The following RANBP2 variants were observed in gnomAD, a reference collection of about 807,000 sequenced individuals.
RANBP2 encodes RAN binding protein 2.
Under a neutral mutation model 303.6 loss-of-function variants are expected in RANBP2, and 57 were observed. The ratio of observed to expected loss-of-function variants is 0.19; its 90% CI spans 0.15 to 0.23. RANBP2 has a LOEUF of 0.23. RANBP2 is among the 10% of genes least tolerant of loss of function. The probability of loss-of-function intolerance (pLI) is 1.00; values close to 1 mark genes in which losing one functional copy is unlikely to be tolerated. For synonymous variants in RANBP2, 1,167 were observed against 1,301.5 expected (o/e 0.90, Z 2.23); for missense variants, 3,138 against 3,780.8 (o/e 0.83, Z 4.46).
chr2:109,675,118 C>A, the RANBP2 span, among the ~76,000 whole-genome samples: 2 of 152,154 alleles, frequency 1.3e-5, no homozygotes, highest in Non-Finnish European at 2.9e-5. Flanking sequence ...CAGGCATGTG[C>A]CACCATGCCC....
the RANBP2 span, among the ~76,000 whole-genome samples, chr2:109,420,377 G>A: frequency 2.6e-5 from 4 of 152,166 alleles, no homozygotes; most frequent in African/African-American, 9.7e-5. Context: ...GTGGGTAGAC[G>A]TCAGAGGGAC....
the RANBP2 span, among the ~76,000 whole-genome samples, chr2:109,639,127 T>C: frequency 6.6e-6 from 1 of 152,234 alleles, no homozygotes; most frequent in Non-Finnish European, 1.5e-5. Context: ...ACCTACTCAT[T>C]TGCAGATATT....
At chr2:109,442,300 G>C in the RANBP2 span, among the ~76,000 whole-genome samples, 1 of 135,778 alleles carries the variant, frequency 7.4e-6, no homozygotes, top group Non-Finnish European at 1.5e-5. Flanking sequence ...AACGGAGTGA[G>C]ACTCCACCTC....
chr2:109,627,485 C>G, the RANBP2 span, among the ~76,000 whole-genome samples: 4 of 152,212 alleles, frequency 2.6e-5, no homozygotes, highest in African/African-American at 4.8e-5. Flanking sequence ...GCATGAGCCA[C>G]CATGCCCTGC....
chr2:109,616,856 T>C, the RANBP2 span: 24 of 167,206 alleles, frequency 1.4e-4, no homozygotes, highest in African/African-American at 5.5e-4. Context: ...TATGATAGTT[T>C]TCAATAAAAT....
At chr2:108,942,948 T>C in the RANBP2 span, among the ~76,000 whole-genome samples, 2 of 152,364 alleles carry the variant, frequency 1.3e-5, no homozygotes, top group Non-Finnish European at 1.5e-5. Flanking sequence ...GATTAGACCA[T>C]GCCTTCCCGG....
At chr2:109,495,205 A>T in the RANBP2 span, among the ~76,000 whole-genome samples, 2 of 152,226 alleles carry the variant, frequency 1.3e-5, no homozygotes, top group Non-Finnish European at 2.9e-5. Context: ...GGAACTCAGA[A>T]TACGGGTGTG....
chr2:108,907,929 C>T, the RANBP2 span: 19 of 1,613,658 alleles, frequency 1.2e-5, no homozygotes, highest in African/African-American at 6.7e-5. Flanking sequence ...GGCACAGCTC[C>T]GGGGAGCCCT....
At chr2:108,811,247 C>CTCTCTTTTTTTTTTTTTTTTTTT in the RANBP2 span, among the ~76,000 whole-genome samples, 4 of 113,932 alleles carry the variant, frequency 3.5e-5, no homozygotes, top group African/African-American at 1.1e-4. Flanking sequence ...TTCTCTCTCT[C>CTCTCTTTTTTTTTTTTTTTTTTT]TTTTTTTTTT....
the RANBP2 span, among the ~76,000 whole-genome samples, chr2:108,800,019 A>G: frequency 6.6e-6 from 1 of 152,010 alleles, no homozygotes. Flanking sequence ...ATATATATTT[A>G]CTTTTACCTC....
chr2:109,239,635 G>A, the RANBP2 span, among the ~76,000 whole-genome samples: 1 of 152,168 alleles, frequency 6.6e-6, no homozygotes, highest in East Asian at 1.9e-4. Context: ...TAACAGGGAG[G>A]AAAGAGAGGC....
the RANBP2 span, among the ~76,000 whole-genome samples, chr2:109,699,749 T>C: frequency 6.6e-6 from 1 of 152,126 alleles, no homozygotes; most frequent in African/African-American, 2.4e-5. Context: ...ACCCATATTG[T>C]TCAGGGGTCA....
chr2:109,116,006 A>T, the RANBP2 span, among the ~76,000 whole-genome samples: 1 of 152,208 alleles, frequency 6.6e-6, no homozygotes, highest in South Asian at 2.1e-4. Context: ...ATCTGCTGTT[A>T]GTCTGATGGG....
the RANBP2 span, among the ~76,000 whole-genome samples, chr2:108,853,667 C>T: frequency 2.0e-5 from 3 of 149,902 alleles, no homozygotes; most frequent in Admixed American, 1.4e-4. Context: ...GCTGGGACTA[C>T]AGGCATGCAC....
chr2:109,666,328 T>A, the RANBP2 span, among the ~76,000 whole-genome samples: 1 of 152,132 alleles, frequency 6.6e-6, no homozygotes, highest in African/African-American at 2.4e-5. Context: ...GAAGGAGATT[T>A]CTCTGAATTC....
the RANBP2 span, among the ~76,000 whole-genome samples, chr2:109,057,290 T>C: frequency 1.3e-5 from 2 of 152,252 alleles, no homozygotes; most frequent in African/African-American, 4.8e-5. Flanking sequence ...AGTGTTAAGT[T>C]GATCTATGGT....
the RANBP2 span, chr2:108,895,859 A>G: frequency 6.6e-6 from 1 of 152,252 alleles, no homozygotes; most frequent in African/African-American, 2.4e-5. Context: ...CTCTCATGCC[A>G]TGAGGCTAAT....
the RANBP2 span, among the ~76,000 whole-genome samples, chr2:109,354,035 T>G: frequency 6.6e-6 from 1 of 152,182 alleles, no homozygotes; most frequent in South Asian, 2.1e-4. Context: ...GCCCGCTAGG[T>G]GGGGGAGCTG....
At chr2:109,253,685 T>C in the RANBP2 span, among the ~76,000 whole-genome samples, 1 of 152,160 alleles carries the variant, frequency 6.6e-6, no homozygotes, top group African/African-American at 2.4e-5. Context: ...TGGAAAGGAA[T>C]TTGGCTGTCT....
Sources: allele counts gnomAD v4.1 joint callset (sites outside exome capture counted in the v4.1 genomes callset), GRCh38; gene constraint gnomAD v4.1.1; transcripts MANE v1.5; gene names NCBI Gene and HGNC (gene_info 2026-07-23, HGNC 2026-07-21).